Variants in DLG2 observed in about 807,000 individuals in gnomAD.
DLG2 encodes disks large homolog 2.
In DLG2, 45 loss-of-function variants were observed where a neutral mutation model predicts 132.5. The ratio of observed to expected loss-of-function variants is 0.34; its 90% confidence interval spans 0.27 to 0.44. The LOEUF is 0.44. Ranked by LOEUF, DLG2 falls within the 20% of genes least tolerant of loss-of-function variation. The pLI, the probability that DLG2 is intolerant of heterozygous loss-of-function variation, is 1.00. For missense variants in DLG2, 1,045 were observed against 1,196.9 expected (o/e 0.87, Z 1.87); for synonymous variants, 424 against 419.6 (o/e 1.01, Z -0.13).
chr11:83,627,782 T>A (rs1701902931), intron 19 of DLG2, among the ~76,000 whole-genome samples: 1 of 152,200 alleles, frequency 6.6e-6, no homozygotes, highest in Non-Finnish European at 1.5e-5. Flanking sequence ...CCCTGAGGAA[T>A]CGCCACACTG....
intron 18 of DLG2, among the ~76,000 whole-genome samples, chr11:83,765,927 C>G (rs565148224): frequency 6.6e-6 from 1 of 152,244 alleles, no homozygotes; most frequent in South Asian, 2.1e-4. Context: ...AAAGTAGATT[C>G]ACATGAAATT....
intron 6 of DLG2, among the ~76,000 whole-genome samples, chr11:84,958,250 C>G (rs185923551): frequency 3.0e-4 from 46 of 152,214 alleles, no homozygotes; most frequent in African/African-American, 9.1e-4. Context: ...TTCCAGTTCT[C>G]TATTCCCAAG....
At chr11:84,743,849 T>A (rs1031596156) in intron 6 of DLG2, among the ~76,000 whole-genome samples, 2 of 152,090 alleles carry the variant, frequency 1.3e-5, no homozygotes, top group Non-Finnish European at 2.9e-5. Context: ...CTCAGCCTCC[T>A]GAGTAGCTGG....
At chr11:85,599,463 C>T (rs991333692) in intron 2 of DLG2, among the ~76,000 whole-genome samples, 1 of 152,048 alleles carries the variant, frequency 6.6e-6, no homozygotes, top group Non-Finnish European at 1.5e-5. Context: ...CTAGAATCAG[C>T]GTGCTATCTT....
chr11:83,824,239 C>T (rs999840727), intron 17 of DLG2, among the ~76,000 whole-genome samples: 1 of 152,138 alleles, frequency 6.6e-6, no homozygotes, highest in African/African-American at 2.4e-5. Context: ...GTTTCCCCTC[C>T]AGAATCCTTC....
chr11:85,318,926 C>T (rs542830930), intron 3 of DLG2, among the ~76,000 whole-genome samples: 1 of 151,920 alleles, frequency 6.6e-6, no homozygotes, highest in South Asian at 2.1e-4. Flanking sequence ...TTTGCCACTG[C>T]TAATTTCATC....
At chr11:85,576,038 AC>A (rs1332681689) in intron 3 of DLG2, among the ~76,000 whole-genome samples, 1 of 152,214 alleles carries the variant, frequency 6.6e-6, no homozygotes, top group African/African-American at 2.4e-5. Flanking sequence ...ATTTGTTGAG[AC>A]AGCTGAGATT....
chr11:83,569,954 G>T (rs963272225), intron 19 of DLG2, among the ~76,000 whole-genome samples: 3 of 152,318 alleles, frequency 2.0e-5, no homozygotes, highest in Non-Finnish European at 4.4e-5. Flanking sequence ...TTGAATGAGA[G>T]TCAGACTTTC....
chr11:85,246,743 GTATAATTGTAGTCA>G (rs1242111143), intron 4 of DLG2, among the ~76,000 whole-genome samples: 1 of 151,950 alleles, frequency 6.6e-6, no homozygotes, highest in Non-Finnish European at 1.5e-5. Flanking sequence ...TCCTGTAGTT[GTATAATTGTAGTCA>G]TATAATTATA....
At chr11:84,851,748 A>C (rs1029063296) in intron 6 of DLG2, among the ~76,000 whole-genome samples, 5 of 151,980 alleles carry the variant, frequency 3.3e-5, no homozygotes, top group African/African-American at 9.7e-5. Flanking sequence ...ATACAGAGAT[A>C]ATATGTTTCT....
intron 4 of DLG2, among the ~76,000 whole-genome samples, chr11:85,225,857 C>T (rs2074943971): frequency 6.6e-6 from 1 of 152,068 alleles, no homozygotes; most frequent in African/African-American, 2.4e-5. Context: ...AACCATATTC[C>T]TAAACATTTA....
At chr11:84,035,181 C>A (rs975446514) in intron 11 of DLG2, among the ~76,000 whole-genome samples, 6 of 152,128 alleles carry the variant, frequency 3.9e-5, no homozygotes, top group African/African-American at 1.4e-4. Flanking sequence ...CTCTCCCTAC[C>A]TCTGCCTTCT....
At chr11:83,639,844 A>G (rs1240258390) in intron 18 of DLG2, among the ~76,000 whole-genome samples, 1 of 151,848 alleles carries the variant, frequency 6.6e-6, no homozygotes, top group East Asian at 1.9e-4. Context: ...TAATCTTGTC[A>G]TTTATTACTA....
chr11:83,858,195 C>T (rs947821381), intron 16 of DLG2, among the ~76,000 whole-genome samples: 6 of 152,112 alleles, frequency 3.9e-5, no homozygotes, highest in African/African-American at 1.4e-4. Flanking sequence ...GGACTCTTCC[C>T]AAGCCCTGCT....
At chr11:85,427,170 A>C (rs1461454821) in intron 3 of DLG2, among the ~76,000 whole-genome samples, 1 of 152,220 alleles carries the variant, frequency 6.6e-6, no homozygotes, top group Non-Finnish European at 1.5e-5. Flanking sequence ...TGAAAGTGAA[A>C]GGGAGAATGG....
At chr11:84,709,210 A>T (rs1213852012) in intron 6 of DLG2, among the ~76,000 whole-genome samples, 1 of 151,918 alleles carries the variant, frequency 6.6e-6, no homozygotes, top group Non-Finnish European at 1.5e-5. Context: ...TAGCAAAGTG[A>T]TGGCACTTGG....
In DLG2 at chr11:83,902,806, G is replaced by C. The variant is rs138978228; in HGVS notation, c.1496+27522C>G. ...CCTGCCCCTGAGGATAAAAAAGCAG[G>C]GTATGGGGAACTGGAAATGATGCTG... On this transcript the variant is annotated intron_variant, in intron 15 of 27. Transcript: ENST00000376104. Among the ~76,000 whole-genome samples the C allele has an allele frequency of 9.2e-5, 14 of 152,212 alleles. No individual in the cohort carries two copies. In the East Asian group the frequency reaches 2.7e-3, roughly 29 times the overall value.
intron 4 of DLG2, among the ~76,000 whole-genome samples, chr11:85,176,467 A>C (rs1461612183): frequency 2.6e-5 from 4 of 152,186 alleles, no homozygotes; most frequent in African/African-American, 9.7e-5. Context: ...TTAACTCAAG[A>C]TGGATTAATG....
intron 16 of DLG2, among the ~76,000 whole-genome samples, chr11:83,835,294 G>A (rs2055824982): frequency 1.3e-5 from 2 of 152,144 alleles, no homozygotes; most frequent in African/African-American, 4.8e-5. Context: ...AACAATAGAT[G>A]CAATAAATAA....
Sources: gnomAD v4.1 joint callset for allele counts (sites outside exome capture counted in the v4.1 genomes callset) on GRCh38, gnomAD v4.1.1 for gene constraint, MANE v1.5 for transcripts, NCBI Gene and HGNC (gene_info 2026-07-23, HGNC 2026-07-21) for gene names.